FGGY: variants seen among roughly 807,000 people sequenced by gnomAD.
FGGY encodes FGGY carbohydrate kinase domain-containing protein.
Under a neutral mutation model 71.3 loss-of-function variants are expected in FGGY, and 72 were observed. The observed-to-expected ratio is 1.01, with a 90% CI of 0.84 to 1.23. FGGY has a LOEUF of 1.23. Ranked by LOEUF, FGGY falls within the 50% of genes most tolerant of loss-of-function variation. The pLI is 0.00. For synonymous variants in FGGY, 251 were observed against 250.3 expected (o/e 1.00, Z -0.02); for missense variants, 668 against 682.3 (o/e 0.98, Z 0.23).
chr1:59,474,149 C>T (rs1191655587), intron 6 of FGGY: 1 of 152,204 alleles, frequency 6.6e-6, no homozygotes, highest in Non-Finnish European at 1.5e-5. Context: ...AGGAATAGCC[C>T]TAAAGAGCCA....
At chr1:59,549,505 C>T (rs2095575606) in intron 7 of FGGY, among the ~76,000 whole-genome samples, 1 of 152,206 alleles carries the variant, frequency 6.6e-6, no homozygotes, top group African/African-American at 2.4e-5. Flanking sequence ...ATTACTTCAC[C>T]TTTCTGAAAT....
At chr1:59,675,667 G>A (rs1002479579) in intron 14 of FGGY, among the ~76,000 whole-genome samples, 1 of 152,188 alleles carries the variant, frequency 6.6e-6, no homozygotes, top group Non-Finnish European at 1.5e-5. Context: ...TCAATGAATT[G>A]TCAATTATTA....
chr1:59,480,752 G>A (rs1276989329), intron 6 of FGGY, among the ~76,000 whole-genome samples: 1 of 152,180 alleles, frequency 6.6e-6, no homozygotes, highest in East Asian at 1.9e-4. Context: ...GATGTGGGAA[G>A]AAGGTGCTGG....
At chr1:59,594,165 C>A (rs1558483021) in intron 8 of FGGY, among the ~76,000 whole-genome samples, 1 of 152,182 alleles carries the variant, frequency 6.6e-6, no homozygotes, top group African/African-American at 2.4e-5. Flanking sequence ...CTTCCACCTG[C>A]ACCTGCTGCG....
Position 59,725,614 on chromosome 1 carries a change from G to T in FGGY, c.1513-32317G>T, listed in dbSNP as rs113055720. On this transcript the variant is annotated intron_variant, in intron 14 of 15. Transcript: ENST00000303721. ...TTTATACCTAAGTGTTTTTGTGGGG[G>T]TTTTTTTTGTTTTTTGTTTTTTGTT... Among the ~76,000 whole-genome samples the T allele has an allele frequency of 3.4e-3, 510 of 150,742 alleles. 5 individuals carry two copies. Among genetic ancestry groups the T allele is most frequent in the South Asian group, 9.6e-3 (46 of 4,792 alleles).
chr1:59,741,443 G>A (rs1349814241), intron 14 of FGGY, among the ~76,000 whole-genome samples: 1 of 152,114 alleles, frequency 6.6e-6, no homozygotes, highest in Non-Finnish European at 1.5e-5. Flanking sequence ...AGTTTCCTGA[G>A]GTCTTCTCAG....
rs180673158 is a variant in FGGY, at chr1:59,653,986, C to T, written c.1222-6233C>T. ...ATCCAGGATAATCTCCCTATTTTAA[C>T]GTCATCTGGCTATTAAATAATTCTA... On this transcript the variant is annotated intron_variant, in intron 11 of 15. Coordinates refer to ENST00000303721, the MANE Select transcript of FGGY (RefSeq NM_018291.5). Among the ~76,000 whole-genome samples the T allele has an allele frequency of 5.9e-5, 9 of 152,296 alleles. No individual in the cohort carries two copies. The East Asian group carries it at 1.3e-3, about 23-fold the overall frequency.
intron 13 of FGGY, among the ~76,000 whole-genome samples, chr1:59,670,605 G>A (rs761254654): frequency 3.9e-5 from 6 of 151,908 alleles, no homozygotes; most frequent in Admixed American, 6.6e-5. Context: ...AAATGCTTGC[G>A]AGTTTGTGAG....
At chr1:59,733,329 C>A (rs1284415168) in intron 14 of FGGY, 1 of 154,040 alleles carries the variant, frequency 6.5e-6, no homozygotes, top group African/African-American at 2.4e-5. Context: ...TCCTCACTAC[C>A]CTCGGGAAAC....
intron 6 of FGGY, among the ~76,000 whole-genome samples, chr1:59,505,062 AT>A (rs35490034): frequency 6.6e-6 from 1 of 152,218 alleles, no homozygotes; most frequent in East Asian, 1.9e-4. Flanking sequence ...AAGGGTCATA[AT>A]TTTTAAGTTG....
intron 14 of FGGY, among the ~76,000 whole-genome samples, chr1:59,692,823 A>T (rs1032065522): frequency 6.6e-6 from 1 of 152,180 alleles, no homozygotes; most frequent in Non-Finnish European, 1.5e-5. Context: ...TGCCAAGCTG[A>T]TGCTGTAAAC....
At chr1:59,435,257 G>C (rs529006568) in intron 5 of FGGY, among the ~76,000 whole-genome samples, 3 of 152,328 alleles carry the variant, frequency 2.0e-5, no homozygotes, top group Non-Finnish European at 4.4e-5. Flanking sequence ...CAGAGGCTTT[G>C]AAGCCAGTAT....
chr1:59,307,770 G>T (rs570498248), intron 1 of FGGY, among the ~76,000 whole-genome samples: 1 of 138,260 alleles, frequency 7.2e-6, no homozygotes, highest in Non-Finnish European at 1.5e-5. Flanking sequence ...GGGAAGAATA[G>T]TGTATTTGAC....
chr1:59,314,405 C>T (rs2045013606), intron 1 of FGGY, among the ~76,000 whole-genome samples: 1 of 152,190 alleles, frequency 6.6e-6, no homozygotes, highest in African/African-American at 2.4e-5. Context: ...CCCAAATTTT[C>T]CTTCTGTGCC....
chr1:59,457,242 C>T (rs1477528176), intron 6 of FGGY, among the ~76,000 whole-genome samples, 166 bp downstream of exon 6: 1 of 152,176 alleles, frequency 6.6e-6, no homozygotes, highest in Non-Finnish European at 1.5e-5. Context: ...TAGGCCATGA[C>T]TAGTAGGCTC....
At chr1:59,550,912 GTTC>G (rs1365314009) in intron 7 of FGGY, among the ~76,000 whole-genome samples, 2 of 152,184 alleles carry the variant, frequency 1.3e-5, no homozygotes, top group Non-Finnish European at 2.9e-5. Context: ...ACTCTGCTCT[GTTC>G]TTCTACTTCT....
intron 10 of FGGY, among the ~76,000 whole-genome samples, chr1:59,635,634 C>T: frequency 6.6e-6 from 1 of 151,728 alleles, no homozygotes; most frequent in East Asian, 1.9e-4. Context: ...AGACTCTTGA[C>T]TTCTGGCTAG....
chr1:59,455,100 A>G (rs953262696), intron 5 of FGGY, among the ~76,000 whole-genome samples: 2 of 152,196 alleles, frequency 1.3e-5, no homozygotes, highest in South Asian at 2.1e-4. Context: ...CTGAATGTGA[A>G]TGAGGTATTT....
chr1:59,673,233 A>G (rs1219563213), intron 13 of FGGY, among the ~76,000 whole-genome samples: 1 of 152,200 alleles, frequency 6.6e-6, no homozygotes, highest in African/African-American at 2.4e-5. Flanking sequence ...AGGAGTGTTG[A>G]GGGAAGTTGT....
Sources: gnomAD v4.1 joint callset for allele counts (sites outside exome capture counted in the v4.1 genomes callset) on GRCh38, gnomAD v4.1.1 for gene constraint, MANE v1.5 for transcripts, NCBI Gene and HGNC (gene_info 2026-07-23, HGNC 2026-07-21) for gene names.